The following LRP6 variants were observed in gnomAD, a reference collection of about 807,000 sequenced individuals.
LRP6 encodes the protein LDL receptor related protein 6, also known as low-density lipoprotein receptor-related protein 6.
In LRP6, 43 loss-of-function variants were observed where a neutral mutation model predicts 184.1. That is an observed-to-expected ratio of 0.23 (90% CI 0.18 to 0.30). The LOEUF (loss-of-function observed/expected upper bound fraction) is 0.30, where lower values mean the gene tolerates loss of function less well. Among genes scored for constraint, LRP6 ranks in the 10% least tolerant of loss-of-function variants. The pLI is 1.00. For synonymous variants in LRP6, 719 were observed against 684.9 expected (o/e 1.05, Z -0.78); for missense variants, 1,571 against 2,005.3 (o/e 0.78, Z 4.14).
In LRP6 at chr12:12,164,704, A is replaced by G. The variant is rs1591904379; in HGVS notation, c.1763-142T>C. The G allele has an allele frequency of 6.5e-6, 5 of 763,752 alleles. No individual in the cohort carries two copies. In the East Asian group the frequency reaches 7.9e-5, roughly 12 times the overall value. 47.3% of individuals were successfully genotyped at this position (763,752 alleles called of 1,614,324 possible). On this transcript the variant is annotated intron_variant, in intron 8 of 22. Transcript: ENST00000261349. ...CTCCCAATCTCAAGTTTCAATTCTAATATCACAAACAAGTAATATGCAGAT... is the reference window on the plus strand; with the variant it reads ...CTCCCAATCTCAAGTTTCAATTCTAGTATCACAAACAAGTAATATGCAGAT...
rs80142348 is a variant in LRP6 at position 12,247,146 on chromosome 12, A to G, written c.56-2491T>C. ...GAGCCCACTATACTGAGTCTCTCAT[A>G]CTATGGGCCAAATATAAACATCAGA... On this transcript the variant is annotated intron_variant, in intron 1 of 22. Coordinates refer to ENST00000261349, the MANE Select transcript of LRP6 (RefSeq NM_002336.3). 8.3e-3 allele frequency among the ~76,000 whole-genome samples: 1,259 copies of G among 152,328 alleles called. 9 individuals carry two copies. The highest frequency in any genetic ancestry group is 0.029 in the African/African-American group (1,192 of 41,576).
intron 4 of LRP6, among the ~76,000 whole-genome samples, chr12:12,185,846 TG>T (rs1863456972): frequency 9.5e-6 from 1 of 105,076 alleles, no homozygotes; most frequent in Non-Finnish European, 2.1e-5. Flanking sequence ...GTGTGTTTTT[TG>T]TTTTTTTTTT....
rs777698773 is a variant in LRP6, at chr12:12,138,929, C to T, written c.3398-395G>A. ...TATGAAGAACAGCTTCACTCTCACC[C>T]CACCTGGCTTCTCAGAACACAATTA... is the stretch of plus-strand genomic sequence containing the variant. On this transcript the variant is annotated intron_variant, in intron 15 of 22. Coordinates refer to ENST00000261349, the MANE Select transcript of LRP6 (RefSeq NM_002336.3). The T allele has an allele frequency of 1.6e-5, 22 of 1,368,420 alleles. No individual in the cohort carries two copies. The African/African-American group carries it at 2.5e-4, about 16-fold the overall frequency. 84.8% of individuals were successfully genotyped at this position (1,368,420 alleles called of 1,614,324 possible).
intron 15 of LRP6, among the ~76,000 whole-genome samples, chr12:12,145,624 C>CTT (rs1157764946): frequency 0.073 from 5,827 of 79,966 alleles, 189 homozygotes; most frequent in Middle Eastern, 0.16. Context: ...TTTTCTTTTT[C>CTT]TTTTTTTTTT....
chr12:12,252,167 G>T (rs1019621834), intron 1 of LRP6, among the ~76,000 whole-genome samples: 1 of 152,188 alleles, frequency 6.6e-6, no homozygotes, highest in Non-Finnish European at 1.5e-5. Context: ...TTACAGGCAT[G>T]GGCCACCGCA....
intron 17 of LRP6, among the ~76,000 whole-genome samples, 159 bp from the exon 18 acceptor site, chr12:12,132,216 T>G (rs1488074481): frequency 1.3e-5 from 2 of 152,172 alleles, no homozygotes; most frequent in African/African-American, 4.8e-5. Flanking sequence ...AAAGAAGAAA[T>G]AAAGGTTTTC....
At chr12:12,260,348 A>C (rs530502706) in intron 1 of LRP6, among the ~76,000 whole-genome samples, 290 of 151,378 alleles carry the variant, frequency 1.9e-3, no homozygotes, top group Admixed American at 3.7e-3. Flanking sequence ...ACTGCACTCC[A>C]GCCTGGGCGA....
At chr12:12,202,519 G>T (rs1174471820) in intron 3 of LRP6, among the ~76,000 whole-genome samples, 5 of 152,216 alleles carry the variant, frequency 3.3e-5, no homozygotes, top group African/African-American at 9.6e-5. Context: ...TTCCAGCCCG[G>T]ATGACAAGGT....
At chr12:12,220,443 T>C (rs1864457380) in intron 2 of LRP6, among the ~76,000 whole-genome samples, 1 of 152,200 alleles carries the variant, frequency 6.6e-6, no homozygotes. Context: ...TGCAGTATAG[T>C]ACGTAGCACA....
Position 12,262,865 on chromosome 12 carries a change from C to A in LRP6, c.55+3816G>T, listed in dbSNP as rs557276523. Among the ~76,000 whole-genome samples, 10 of 152,122 alleles carry A rather than the reference C, an allele frequency of 6.6e-5. No individual in the cohort carries two copies. In the East Asian group the frequency reaches 1.9e-3, roughly 29 times the overall value. ...CCTGCCCCATCTTTAATTAACCTAC[C>A]TTTATTAAATTACAGTATCTCTGAA... On this transcript the variant is annotated intron_variant, in intron 1 of 22. Coordinates refer to ENST00000261349, the MANE Select transcript of LRP6 (RefSeq NM_002336.3).
chr12:12,256,507 AAAAC>A (rs201705543), intron 1 of LRP6, among the ~76,000 whole-genome samples: 6,249 of 150,636 alleles, frequency 0.041, 175 homozygotes, highest in Middle Eastern at 0.16. Context: ...ACACCAGCTC[AAAAC>A]AAACAAACAA....
intron 22 of LRP6, 91 bp from the exon 23 acceptor site, chr12:12,121,511 C>T (rs1949606837): frequency 5.9e-6 from 7 of 1,191,788 alleles, no homozygotes; most frequent in African/African-American, 1.5e-5. Context: ...TGTCAACTAC[C>T]CTATGAAAAC....
chr12:12,178,533 T>C (rs953618355), intron 7 of LRP6, among the ~76,000 whole-genome samples: 3 of 152,328 alleles, frequency 2.0e-5, no homozygotes, highest in Non-Finnish European at 4.4e-5. Context: ...CATGTATAGT[T>C]CATAATCCAC....
intron 20 of LRP6, 140 bp from the exon 21 acceptor site, chr12:12,125,572 T>G: frequency 1.3e-6 from 1 of 774,080 alleles, no homozygotes; most frequent in East Asian, 2.7e-5. Context: ...TTTCCTATAA[T>G]TGAAAACATT....
intron 2 of LRP6, among the ~76,000 whole-genome samples, chr12:12,227,561 C>A (rs899199475): frequency 6.6e-6 from 1 of 152,058 alleles, no homozygotes; most frequent in Non-Finnish European, 1.5e-5. Context: ...GCACGCACCA[C>A]CATGCCAGGC....
chr12:12,244,136 A>C, intron 2 of LRP6, 126 bp downstream of exon 2: 1 of 911,524 alleles, frequency 1.1e-6, no homozygotes, highest in Non-Finnish European at 1.7e-6. Context: ...CTCAACAAAG[A>C]AGCCCAAAGA....
At chr12:12,179,359 A>G (rs957009523) in intron 7 of LRP6, among the ~76,000 whole-genome samples, 1 of 142,708 alleles carries the variant, frequency 7.0e-6, no homozygotes, top group Non-Finnish European at 1.5e-5. Flanking sequence ...TAACAGCAAT[A>G]AAAGATATAG....
chr12:12,152,317 C>T (rs147419830), intron 12 of LRP6, among the ~76,000 whole-genome samples: 119 of 152,264 alleles, frequency 7.8e-4, no homozygotes, highest in African/African-American at 2.6e-3. Flanking sequence ...ATGTCTTTAT[C>T]AACCGCATGA....
chr12:12,246,570 G>A (rs1291375595), intron 1 of LRP6, among the ~76,000 whole-genome samples: 2 of 151,738 alleles, frequency 1.3e-5, no homozygotes, highest in Admixed American at 6.6e-5. Flanking sequence ...AGTGGTGCAC[G>A]CCTGTAGTCC....
Sources: gnomAD v4.1 joint callset for allele counts (sites outside exome capture counted in the v4.1 genomes callset) on GRCh38, gnomAD v4.1.1 for gene constraint, MANE v1.5 for transcripts, NCBI Gene and HGNC (gene_info 2026-07-23, HGNC 2026-07-21) for gene names.